Variants in TECRL observed in about 807,000 individuals in gnomAD.
TECRL encodes the protein trans-2,3-enoyl-CoA reductase-like.
TECRL carries 63 observed loss-of-function variants against 52.8 expected under a neutral mutation model. That is an observed-to-expected ratio of 1.19 (90% CI 0.97 to 1.47). TECRL has a LOEUF of 1.47. TECRL is among the 40% of genes most tolerant of loss of function. The pLI, the probability that TECRL is intolerant of heterozygous loss-of-function variation, is 0.00. For synonymous variants in TECRL, 164 were observed against 141.9 expected, an observed-to-expected ratio of 1.16 and a Z score of -1.10; for missense variants, 482 against 429.6, an observed-to-expected ratio of 1.12 and a Z score of -1.08.
chr4:64,396,018 G>T (rs1723924170), intron 1 of TECRL, among the ~76,000 whole-genome samples: 1 of 152,010 alleles, frequency 6.6e-6, no homozygotes, highest in South Asian at 2.1e-4. Flanking sequence ...TTTTTTTATG[G>T]CTGTGTAGTA....
intron 4 of TECRL, among the ~76,000 whole-genome samples, chr4:64,321,258 AT>A (rs1717877657): frequency 6.6e-6 from 1 of 152,010 alleles, no homozygotes. Context: ...TTAAAATTAA[AT>A]TTGTGTTAGA....
intron 2 of TECRL, among the ~76,000 whole-genome samples, chr4:64,374,293 T>C (rs1469567820): frequency 6.6e-6 from 1 of 151,422 alleles, no homozygotes; most frequent in Non-Finnish European, 1.5e-5. Flanking sequence ...TACTCAAATG[T>C]TTATAAATTT....
intron 2 of TECRL, among the ~76,000 whole-genome samples, chr4:64,331,465 A>G (rs970128491): frequency 1.3e-5 from 2 of 152,088 alleles, no homozygotes; most frequent in African/African-American, 4.8e-5. Flanking sequence ...GTAAACTTAC[A>G]ATTTAAGTTT....
At chr4:64,296,550 T>C (rs1723692283) in intron 8 of TECRL, among the ~76,000 whole-genome samples, 1 of 151,816 alleles carries the variant, frequency 6.6e-6, no homozygotes, top group Non-Finnish European at 1.5e-5. Flanking sequence ...ACTTCCTTCA[T>C]TTTTGAAGAC....
At chr4:64,309,973 A>G (rs1465855958) in intron 5 of TECRL, 42 bp from the exon 6 acceptor site, 2 of 1,351,102 alleles carry the variant, frequency 1.5e-6, no homozygotes, top group Admixed American at 4.0e-5. Context: ...ATCCTTTTGA[A>G]GTTCTGGCTT....
intron 2 of TECRL, among the ~76,000 whole-genome samples, chr4:64,338,565 A>G (rs1395922025): frequency 1.3e-5 from 2 of 152,246 alleles, no homozygotes; most frequent in African/African-American, 4.8e-5. Context: ...GAATCTACAA[A>G]GAACTCAAAC....
At chr4:64,363,980 C>A (rs1721405833) in intron 2 of TECRL, among the ~76,000 whole-genome samples, 1 of 152,012 alleles carries the variant, frequency 6.6e-6, no homozygotes, top group Non-Finnish European at 1.5e-5. Flanking sequence ...TTTCACACCA[C>A]ACGTAATCTA....
At position 64,326,261 on chromosome 4, in the gene TECRL, TAAAC is replaced by T. The variant is rs1211298532; in HGVS notation, c.331+2247_331+2250del. Among the ~76,000 whole-genome samples, 9 of 152,260 alleles carry T rather than the reference TAAAC, an allele frequency of 5.9e-5. No homozygotes were observed. In the East Asian group the frequency reaches 1.7e-3, roughly 29 times the overall value. On this transcript the variant is annotated intron_variant, in intron 3 of 11. Transcript: ENST00000381210. Reference sequence around the variant, plus strand: ...TTTCTATGTAGAAATCCAATCATTTTAAACATTAGAAATTTTCCCAGTCCTTCCA... The same window carrying T: ...TTTCTATGTAGAAATCCAATCATTTTATTAGAAATTTTCCCAGTCCTTCCA...
chr4:64,288,646 A>G (rs1723208762), intron 9 of TECRL, among the ~76,000 whole-genome samples: 1 of 152,122 alleles, frequency 6.6e-6, no homozygotes, highest in Non-Finnish European at 1.5e-5. Context: ...AGAAGCTCCA[A>G]AGCACTTCCC....
At chr4:64,344,566 G>T (rs1719816280) in intron 2 of TECRL, among the ~76,000 whole-genome samples, 1 of 152,146 alleles carries the variant, frequency 6.6e-6, no homozygotes, top group African/African-American at 2.4e-5. Flanking sequence ...AACATTAATG[G>T]TGAATGTTGA....
chr4:64,289,911 A>C (rs1025991802), intron 8 of TECRL, 144 bp from the exon 9 acceptor site: 5 of 480,910 alleles, frequency 1.0e-5, no homozygotes, highest in Admixed American at 4.4e-5. Context: ...CATAAAGAGA[A>C]ATTTTTTTTA....
chr4:64,338,838 C>T (rs550211779), intron 2 of TECRL, among the ~76,000 whole-genome samples: 1 of 152,162 alleles, frequency 6.6e-6, no homozygotes, highest in Non-Finnish European at 1.5e-5. Context: ...GTTGGTAGGA[C>T]TGTAAACTAG....
intron 6 of TECRL, among the ~76,000 whole-genome samples, chr4:64,306,015 C>T (rs748199664): frequency 1.1e-4 from 16 of 152,122 alleles, no homozygotes; most frequent in Admixed American, 3.3e-4. Context: ...TAACTCAGAC[C>T]TCACTAAACT....
chr4:64,350,945 A>C (rs1349449702), intron 2 of TECRL, among the ~76,000 whole-genome samples: 1 of 149,712 alleles, frequency 6.7e-6, no homozygotes, highest in Non-Finnish European at 1.5e-5. Flanking sequence ...TTTTAAGCTG[A>C]TAATTTATGT....
At chr4:64,402,052 C>G (rs6844154) in intron 1 of TECRL, among the ~76,000 whole-genome samples, 103,434 of 151,896 alleles carry the variant, frequency 0.68, 36,343 homozygotes, top group Non-Finnish European at 0.78. Context: ...ACAAACATTT[C>G]AGAGTTACTT....
intron 2 of TECRL, among the ~76,000 whole-genome samples, chr4:64,364,228 A>G (rs1721432612): frequency 6.6e-6 from 1 of 152,088 alleles, no homozygotes; most frequent in South Asian, 2.1e-4. Flanking sequence ...AAACAAAGAT[A>G]CAACATACCA....
chr4:64,353,257 AGT>A (rs1283693322), intron 2 of TECRL, among the ~76,000 whole-genome samples: 1 of 152,216 alleles, frequency 6.6e-6, no homozygotes, highest in Non-Finnish European at 1.5e-5. Context: ...AATTCAACAT[AGT>A]TAATACACAG....
chr4:64,340,188 G>C (rs1203380673), intron 2 of TECRL, among the ~76,000 whole-genome samples: 1 of 152,192 alleles, frequency 6.6e-6, no homozygotes, highest in East Asian at 1.9e-4. Flanking sequence ...AAAAGCGGGA[G>C]ATTCACCCCT....
chr4:64,361,803 G>C (rs1443179971), intron 2 of TECRL, among the ~76,000 whole-genome samples: 1 of 152,100 alleles, frequency 6.6e-6, no homozygotes, highest in Non-Finnish European at 1.5e-5. Flanking sequence ...TTAAAAGCCA[G>C]AGTAACTTCA....
Sources: gnomAD v4.1 joint callset for allele counts (sites outside exome capture counted in the v4.1 genomes callset) on GRCh38, gnomAD v4.1.1 for gene constraint, MANE v1.5 for transcripts, NCBI Gene and HGNC (gene_info 2026-07-23, HGNC 2026-07-21) for gene names.